Variants in DST observed in about 807,000 individuals in gnomAD.
DST encodes the protein dystonin.
In DST, 253 loss-of-function variants were observed where a neutral mutation model predicts 875.2. The ratio of observed to expected loss-of-function variants is 0.29; its 90% CI spans 0.26 to 0.32. The LOEUF (loss-of-function observed/expected upper bound fraction) is 0.32. DST is among the 10% of genes least tolerant of loss of function. The probability of loss-of-function intolerance (pLI) is 1.00; values close to 1 mark genes in which losing one functional copy is unlikely to be tolerated. For synonymous variants in DST, 3,124 were observed against 3,197.1 expected (o/e 0.98, Z 0.77); for missense variants, 8,287 against 9,111.6 (o/e 0.91, Z 3.68).
At position 56,471,122 on chromosome 6, in the gene DST, A is replaced by G. The variant is rs114094997; in HGVS notation, c.22305T>C (p.Asp7435=). The G allele has an allele frequency of 1.5e-3, 2,350 of 1,611,738 alleles. 33 individuals carry two copies. In the African/African-American group the frequency reaches 0.027, roughly 18 times the overall value. Residue 7435 remains aspartate, a synonymous_variant, in exon 95 of 104, where the codon GAT becomes GAC. Coordinates refer to ENST00000680361, the MANE Select transcript of DST (RefSeq NM_001374736.1). ...DGKITRQEFI[D]GILSSKFPTS... ...GGAACTTACTTGAGGAAAGAATTCCATCAATAAATTCCTGCCGCGTTATTT... is the reference window on the plus strand; with the variant it reads ...GGAACTTACTTGAGGAAAGAATTCCGTCAATAAATTCCTGCCGCGTTATTT...
chr6:56,822,208 TCA>T (rs2099773827), intron 4 of DST, among the ~76,000 whole-genome samples: 1 of 152,146 alleles, frequency 6.6e-6, no homozygotes, highest in Non-Finnish European at 1.5e-5. Context: ...ATTTATGAAA[TCA>T]CAGTTTTGGG....
chr6:56,515,418 G>A (rs1457726092), intron 72 of DST, 32 bp downstream of exon 72: 5 of 1,603,278 alleles, frequency 3.1e-6, no homozygotes, highest in Non-Finnish European at 4.3e-6. Flanking sequence ...TTTTAATGGG[G>A]AATACAATAT....
chr6:56,503,504 GACA>G (rs1269627933), intron 78 of DST, among the ~76,000 whole-genome samples: 1 of 151,642 alleles, frequency 6.6e-6, no homozygotes, highest in African/African-American at 2.4e-5. Flanking sequence ...CTAGTGTAGT[GACA>G]ACAATATACT....
At chr6:56,845,677 G>T (rs759249357) in intron 4 of DST, among the ~76,000 whole-genome samples, 5 of 152,212 alleles carry the variant, frequency 3.3e-5, no homozygotes, top group Non-Finnish European at 7.3e-5. Flanking sequence ...GACCACACAT[G>T]TATAGACATA....
intron 9 of DST, among the ~76,000 whole-genome samples, chr6:56,697,777 G>T (rs1055513710): frequency 2.6e-5 from 4 of 152,096 alleles, no homozygotes; most frequent in Non-Finnish European, 5.9e-5. Flanking sequence ...TGACTTTCCC[G>T]TCTGGGGTTC....
At chr6:56,781,264 C>T (rs1332799248) in intron 4 of DST, among the ~76,000 whole-genome samples, 1 of 152,136 alleles carries the variant, frequency 6.6e-6, no homozygotes, top group East Asian at 1.9e-4. Flanking sequence ...TGAAGAAAGT[C>T]ATTGGTAGCT....
At position 56,670,141 on chromosome 6, in the gene DST, T is replaced by C. The variant is rs930684769; in HGVS notation, c.1214+500A>G. On this transcript the variant is annotated intron_variant, in intron 10 of 103. Transcript: ENST00000680361. Reference sequence around the variant, plus strand: ...GTGTGCGAGCGCCCGTGCGTGTGTGTGTGTGTGTGTGTGTGTGTGTGTGTG... The same window carrying C: ...GTGTGCGAGCGCCCGTGCGTGTGTGCGTGTGTGTGTGTGTGTGTGTGTGTG... Among the ~76,000 whole-genome samples the C allele has an allele frequency of 4.2e-3, 616 of 145,936 alleles. 4 individuals carry two copies. The highest frequency in any genetic ancestry group is 0.016 in the African/African-American group (591 of 37,786).
chr6:56,854,560 T>A (rs1480407253), intron 3 of DST, among the ~76,000 whole-genome samples: 1 of 152,196 alleles, frequency 6.6e-6, no homozygotes, highest in East Asian at 1.9e-4. Flanking sequence ...AATGATTTCT[T>A]AAAATATGTG....
At chr6:56,514,052 T>G (rs2096539966) in intron 72 of DST, among the ~76,000 whole-genome samples, 1 of 152,250 alleles carries the variant, frequency 6.6e-6, no homozygotes, top group African/African-American at 2.4e-5. Flanking sequence ...TACAAAGTTT[T>G]GTACCTCCCT....
chr6:56,715,447 AGAG>A (rs1428867889), intron 5 of DST, among the ~76,000 whole-genome samples: 8 of 152,214 alleles, frequency 5.3e-5, no homozygotes, highest in Non-Finnish European at 4.4e-5. Context: ...AGCACTTTGA[AGAG>A]AAGAAATTGG....
At chr6:56,884,239 T>A (rs1045687242) in intron 3 of DST, among the ~76,000 whole-genome samples, 3 of 152,336 alleles carry the variant, frequency 2.0e-5, no homozygotes, top group African/African-American at 7.2e-5. Context: ...GTAGGTCTTT[T>A]AAGTCTCTTT....
intron 4 of DST, among the ~76,000 whole-genome samples, chr6:56,757,538 GATGGGGACACATGGTAGCCTGGA>G (rs1455221094): frequency 7.2e-5 from 11 of 152,296 alleles, no homozygotes; most frequent in African/African-American, 2.6e-4. Context: ...CCCTGATTCT[GATGGGGACACATGGTAGCCTGGA>G]ATAAAACTAC....
intron 9 of DST, among the ~76,000 whole-genome samples, chr6:56,689,830 A>C (rs757034652): frequency 3.3e-5 from 5 of 152,184 alleles, no homozygotes; most frequent in Non-Finnish European, 7.4e-5. Context: ...TATCTTTGCC[A>C]ATATCAACTT....
At chr6:56,929,026 T>C (rs1208503228) in intron 2 of DST, among the ~76,000 whole-genome samples, 1 of 152,158 alleles carries the variant, frequency 6.6e-6, no homozygotes, top group East Asian at 1.9e-4. Context: ...TTTTTTCCTT[T>C]GGAATTAGAC....
chr6:56,649,627 G>GT (rs1563453429), intron 12 of DST, among the ~76,000 whole-genome samples: 1 of 152,176 alleles, frequency 6.6e-6, no homozygotes, highest in Non-Finnish European at 1.5e-5. Context: ...GGAGTCCCAA[G>GT]TGAGTCAGGA....
intron 5 of DST, among the ~76,000 whole-genome samples, chr6:56,725,598 T>TTAAATCTATTTG: frequency 6.6e-6 from 1 of 152,192 alleles, no homozygotes; most frequent in Non-Finnish European, 1.5e-5. Context: ...TTAGGTAGTT[T>TTAAATCTATTTG]GAAATTTAAA....
At chr6:56,953,674 G>T in intron 2 of DST, 111 bp downstream of exon 2, 1 of 737,150 alleles carries the variant, frequency 1.4e-6, no homozygotes, top group Non-Finnish European at 2.0e-6. Flanking sequence ...CTAGGGGACA[G>T]CATGTTCGTC....
At chr6:56,713,880 C>A (rs904959049) in intron 5 of DST, among the ~76,000 whole-genome samples, 1 of 152,198 alleles carries the variant, frequency 6.6e-6, no homozygotes, top group Admixed American at 6.5e-5. Flanking sequence ...CTAATTCACT[C>A]CTCTTTAAAC....
At chr6:56,693,860 TAATAA>T (rs897970905) in intron 9 of DST, among the ~76,000 whole-genome samples, 5 of 152,006 alleles carry the variant, frequency 3.3e-5, no homozygotes, top group African/African-American at 1.2e-4. Context: ...TATAATTCTC[TAATAA>T]AATTGTTTCT....
Sources: gnomAD v4.1 joint callset for allele counts (sites outside exome capture counted in the v4.1 genomes callset) on GRCh38, gnomAD v4.1.1 for gene constraint, MANE v1.5 for transcripts, NCBI Gene and HGNC (gene_info 2026-07-23, HGNC 2026-07-21) for gene names.